WDFY3: variants seen among roughly 807,000 people sequenced by gnomAD.
WDFY3 encodes the protein WD repeat and FYVE domain-containing protein 3.
In WDFY3, 66 loss-of-function variants were observed where a neutral mutation model predicts 409.6. The ratio of observed to expected loss-of-function variants is 0.16; its 90% CI spans 0.13 to 0.20. The LOEUF is 0.20. Ranked by LOEUF, WDFY3 falls within the 10% of genes least tolerant of loss-of-function variation. The pLI is 1.00. For synonymous variants in WDFY3, 1,521 were observed against 1,537.1 expected, an observed-to-expected ratio of 0.99 and a Z score of 0.25; for missense variants, 3,031 against 4,298.1, an observed-to-expected ratio of 0.71 and a Z score of 8.24.
chr4:84,862,569 A>C (rs1001040291), intron 3 of WDFY3, among the ~76,000 whole-genome samples: 1 of 152,246 alleles, frequency 6.6e-6, no homozygotes, highest in Admixed American at 6.5e-5. Context: ...AAATTTTATA[A>C]ATTAGCTAAC....
chr4:84,872,161 G>A (rs1762211509), intron 3 of WDFY3, among the ~76,000 whole-genome samples: 1 of 152,014 alleles, frequency 6.6e-6, no homozygotes, highest in South Asian at 2.1e-4. Flanking sequence ...CTGGCATCTA[G>A]GGGAACCATT....
chr4:84,778,697 T>C (rs1745968411), intron 26 of WDFY3, 42 bp from the exon 27 acceptor site: 2 of 1,578,290 alleles, frequency 1.3e-6, no homozygotes, highest in East Asian at 2.2e-5. Context: ...TAAATCATCA[T>C]ATATATTCAT....
chr4:84,780,733 C>T lies in WDFY3; in HGVS notation c.4175-435G>A, dbSNP rs111527854. ...GAGCCGAGATCGCGCCACCGCACTCCAGCCTGGGTGACAGAGGGAGACTCC... is the reference window on the plus strand; with the variant it reads ...GAGCCGAGATCGCGCCACCGCACTCTAGCCTGGGTGACAGAGGGAGACTCC... On this transcript the variant is annotated intron_variant, in intron 25 of 67. Coordinates refer to ENST00000295888, the MANE Select transcript of WDFY3 (RefSeq NM_014991.6). Among the ~76,000 whole-genome samples the T allele has an allele frequency of 8.4e-3, 1,275 of 152,066 alleles. 22 individuals are homozygous for T. The highest frequency in any genetic ancestry group is 0.029 in the African/African-American group (1,204 of 41,466).
intron 1 of WDFY3, among the ~76,000 whole-genome samples, chr4:84,951,618 A>C (rs1182226170): frequency 6.6e-6 from 1 of 152,220 alleles, no homozygotes; most frequent in East Asian, 1.9e-4. Context: ...TCTAAACTTT[A>C]ACAAAACTCA....
At chr4:84,685,800 G>A (rs1237059247) in intron 62 of WDFY3, among the ~76,000 whole-genome samples, 2 of 152,172 alleles carry the variant, frequency 1.3e-5, no homozygotes, top group South Asian at 2.1e-4. Context: ...TGTAGTATTT[G>A]CAGCAAATAT....
intron 5 of WDFY3, among the ~76,000 whole-genome samples, chr4:84,848,723 G>C (rs144635157): frequency 6.6e-6 from 1 of 152,150 alleles, no homozygotes; most frequent in Non-Finnish European, 1.5e-5. Flanking sequence ...ATGGGGGATG[G>C]AGAGGAGGAG....
At chr4:84,681,911 A>G (rs1049756864) in intron 64 of WDFY3, among the ~76,000 whole-genome samples, 5 of 152,222 alleles carry the variant, frequency 3.3e-5, no homozygotes, top group African/African-American at 1.2e-4. Flanking sequence ...TAATGCCCCA[A>G]TGTAAGCAAG....
chr4:84,774,022 C>A (rs1408933841), intron 29 of WDFY3, among the ~76,000 whole-genome samples: 2 of 152,094 alleles, frequency 1.3e-5, no homozygotes, highest in African/African-American at 4.8e-5. Flanking sequence ...ACCCGGCCCC[C>A]CAGGTTTAAA....
At chr4:84,812,110 T>G (rs1350832581) in intron 13 of WDFY3, among the ~76,000 whole-genome samples, 1 of 152,182 alleles carries the variant, frequency 6.6e-6, no homozygotes, top group Non-Finnish European at 1.5e-5. Context: ...TCAGAAGTTA[T>G]GAAGATTTCA....
At position 84,808,573 on chromosome 4, in the gene WDFY3, C is replaced by T. The variant is rs1751924960; in HGVS notation, c.2346-156G>A. On this transcript the variant is annotated intron_variant, in intron 14 of 67. Transcript: ENST00000295888. ...ACAAGGAACAAGACTACAACACAAGCACTGAATGAAACAGAAAAGCATGCT... is the reference window on the plus strand; with the variant it reads ...ACAAGGAACAAGACTACAACACAAGTACTGAATGAAACAGAAAAGCATGCT... 2.0e-5 allele frequency among the ~76,000 whole-genome samples: 3 copies of T among 152,208 alleles called. No individual in the cohort carries two copies. In the South Asian group the frequency reaches 6.2e-4, roughly 31 times the overall value.
In WDFY3 at chr4:84,966,542, C is replaced by T. The variant is rs1005420605; in HGVS notation, c.-559G>A. 6.6e-6 allele frequency among the ~76,000 whole-genome samples: 1 copy of T among 152,070 alleles called. No individual in the cohort carries two copies. Among genetic ancestry groups the T allele is most frequent in the African/African-American group, 2.4e-5 (1 of 41,440 alleles). The stretch of plus-strand genomic sequence containing the variant: ...CGCCGCCGCCGCCTCAGCCTCGGCG[C>T]TCCTCGGGTTTCTTCTCTCCATCAA... On this transcript the variant is annotated 5_prime_UTR_variant, in exon 1 of 68. Coordinates refer to ENST00000295888, the MANE Select transcript of WDFY3 (RefSeq NM_014991.6).
intron 3 of WDFY3, among the ~76,000 whole-genome samples, chr4:84,871,435 ATGAAGAAAGAATAAAGACTTC>A (rs1308964234): frequency 6.6e-6 from 1 of 152,130 alleles, no homozygotes; most frequent in African/African-American, 2.4e-5. Context: ...TCCTTCAAAA[ATGAAGAAAGAATAAAGACTTC>A]CTCAGATAAG....
chr4:84,763,778 T>C (rs1186227383), intron 32 of WDFY3, among the ~76,000 whole-genome samples: 1 of 152,138 alleles, frequency 6.6e-6, no homozygotes, highest in Non-Finnish European at 1.5e-5. Context: ...TACCTAGATA[T>C]AGGAGCAGCA....
intron 3 of WDFY3, among the ~76,000 whole-genome samples, chr4:84,880,136 C>T (rs1487256146): frequency 6.6e-6 from 1 of 151,976 alleles, no homozygotes; most frequent in African/African-American, 2.4e-5. Context: ...GGAGATGTGA[C>T]CAGGAAGCAG....
At chr4:84,772,757 G>T in intron 30 of WDFY3, 78 bp downstream of exon 30, 1 of 1,097,916 alleles carries the variant, frequency 9.1e-7, no homozygotes, top group Non-Finnish European at 1.3e-6. Context: ...ATGTAATTCA[G>T]GTCTAATTTG....
At chr4:84,777,043 T>A (rs1256636404) in intron 27 of WDFY3, among the ~76,000 whole-genome samples, 1 of 151,994 alleles carries the variant, frequency 6.6e-6, no homozygotes, top group Non-Finnish European at 1.5e-5. Context: ...TATGACAATA[T>A]CAGACTGTTT....
At chr4:84,826,713 T>G in intron 10 of WDFY3, 102 bp downstream of exon 10, 1 of 1,216,634 alleles carries the variant, frequency 8.2e-7, no homozygotes, top group African/African-American at 1.6e-5. Context: ...CTATATTACT[T>G]TTATATATAT....
At chr4:84,707,063 T>C (rs781629203) in intron 53 of WDFY3, among the ~76,000 whole-genome samples, 1 of 151,424 alleles carries the variant, frequency 6.6e-6, no homozygotes, top group Non-Finnish European at 1.5e-5. Flanking sequence ...TTCAGCCTCC[T>C]GAGTGGCTGG....
In WDFY3 at chr4:84,720,742, C is replaced by A. The variant is rs114693632; in HGVS notation, c.7605+667G>T. On this transcript the variant is annotated intron_variant, in intron 47 of 67. Coordinates refer to ENST00000295888, the MANE Select transcript of WDFY3 (RefSeq NM_014991.6). ...TTGTAGAAGCGTTGAGCCAAACAAA[C>A]CTGTTTCTTTATAAATTATCCAGCC... 5.5e-3 allele frequency among the ~76,000 whole-genome samples: 845 copies of A among 152,298 alleles called. 7 individuals are homozygous for A. The highest frequency in any genetic ancestry group is 7.8e-3 in the Non-Finnish European group (533 of 68,036).
Sources: gnomAD v4.1 joint callset for allele counts (sites outside exome capture counted in the v4.1 genomes callset) on GRCh38, gnomAD v4.1.1 for gene constraint, MANE v1.5 for transcripts, NCBI Gene and HGNC (gene_info 2026-07-23, HGNC 2026-07-21) for gene names.